The following COL10A1 variants were observed in gnomAD, a reference collection of about 807,000 sequenced individuals.
COL10A1 encodes collagen type X alpha 1 chain, also known as collagen alpha-1(X) chain.
In COL10A1, 10 loss-of-function variants were observed where a neutral mutation model predicts 18.2. The ratio of observed to expected loss-of-function variants is 0.55; its 90% confidence interval spans 0.34 to 0.93. The LOEUF (loss-of-function observed/expected upper bound fraction) is 0.93, where lower values mean the gene tolerates loss of function less well. COL10A1 is among the 40% of genes least tolerant of loss of function. The pLI is 0.02. For synonymous variants in COL10A1, 330 were observed against 316.6 expected (o/e 1.04, Z -0.45); for missense variants, 897 against 853.5 (o/e 1.05, Z -0.64).
chr6:116,176,005 G>A, the COL10A1 span, among the ~76,000 whole-genome samples: 10 of 152,150 alleles, frequency 6.6e-5, no homozygotes, highest in African/African-American at 2.4e-4. Flanking sequence ...TTGATTGAAT[G>A]CTGGACATTG....
chr6:116,163,141 A>AAAAAAAAAT (rs761718922), upstream of COL10A1, among the ~76,000 whole-genome samples: 365 of 88,352 alleles, frequency 4.1e-3, 8 homozygotes, highest in African/African-American at 0.013. Flanking sequence ...AAAAAAAAAA[A>AAAAAAAAAT]ATATATATAT....
chr6:116,176,904 A>T, the COL10A1 span, among the ~76,000 whole-genome samples: 2 of 152,188 alleles, frequency 1.3e-5, no homozygotes, highest in African/African-American at 4.8e-5. Flanking sequence ...GGACCAAGAT[A>T]TGAAAGGGGC....
the COL10A1 span, among the ~76,000 whole-genome samples, chr6:116,200,007 G>A: frequency 1.3e-5 from 2 of 149,574 alleles, no homozygotes; most frequent in African/African-American, 2.5e-5. Context: ...AGTGGGGGGG[G>A]AAGAGTAACT....
chr6:116,131,945 A>G (rs1779477766), intron 1 of COL10A1, among the ~76,000 whole-genome samples: 1 of 152,058 alleles, frequency 6.6e-6, no homozygotes, highest in Non-Finnish European at 1.5e-5. Context: ...CTGTTCCTGT[A>G]TTAGTTTGCT....
chr6:116,121,958 A>G lies in COL10A1; in HGVS notation c.158T>C (p.Ile53Thr), dbSNP rs200692352. Reference sequence around the variant, plus strand: ...AGTACCTTGCTCTCCTCTTACTGCTATACCTAAAAGACACACCCAACACAC... The same window carrying G: ...AGTACCTTGCTCTCCTCTTACTGCTGTACCTAAAAGACACACCCAACACAC... ...FIPYTIKSKG[I>T]AVRGEQGTPG... is the part of the protein sequence containing the mutation. The change falls in exon 3 of 3, where the codon ATA becomes ACA. Residue 53 changes from isoleucine to threonine, a missense_variant. Physicochemically the swap from Ile to Thr is moderately conservative, Grantham distance 89. Transcript: ENST00000651968. 9 of 1,611,664 alleles carry G rather than the reference A, an allele frequency of 5.6e-6. No homozygotes were observed. In the Admixed American group the frequency reaches 6.7e-5, roughly 12 times the overall value.
the COL10A1 span, among the ~76,000 whole-genome samples, chr6:116,178,889 C>A: frequency 1.3e-5 from 2 of 152,146 alleles, no homozygotes; most frequent in South Asian, 2.1e-4. Context: ...AGCAAAATTT[C>A]TTTTACTCGA....
chr6:116,168,071 T>A, the COL10A1 span, among the ~76,000 whole-genome samples: 1 of 149,724 alleles, frequency 6.7e-6, no homozygotes, highest in East Asian at 1.9e-4. Flanking sequence ...CGATTTATGA[T>A]GTACCTGGTG....
At chr6:116,138,972 A>T (rs753611894) in intron 1 of COL10A1, among the ~76,000 whole-genome samples, 16 of 152,184 alleles carry the variant, frequency 1.1e-4, no homozygotes, top group Non-Finnish European at 1.9e-4. Flanking sequence ...TAGGATTTGT[A>T]TAATTGCAGC....
chr6:116,137,074 T>A (rs1488059648), intron 1 of COL10A1: 2 of 212,064 alleles, frequency 9.4e-6, no homozygotes, highest in African/African-American at 4.6e-5. Flanking sequence ...CACCGTCTCT[T>A]CATGCCACAC....
At position 116,121,735 on chromosome 6, in the gene COL10A1, T is replaced by A. The variant is rs139239316; in HGVS notation, c.381A>T (p.Gly127=). Residue 127 remains glycine (G), a synonymous_variant, in exon 3 of 3, where the codon GGA becomes GGT. Coordinates refer to ENST00000651968, the MANE Select transcript of COL10A1 (RefSeq NM_000493.4). ...CTGGTAGGCCAGCTGGTCCAACATC[T>A]CCTTTTGGTCCATATGGTCCTCTCT... ...PGERGPYGPK[G]DVGPAGLPGP... 3.1e-6 allele frequency: 5 copies of A among 1,613,716 alleles called. No individual in the cohort carries two copies. Among genetic ancestry groups the A allele is most frequent in the Non-Finnish European group, 4.2e-6 (5 of 1,179,972 alleles).
At chr6:116,209,059 A>G in the COL10A1 span, among the ~76,000 whole-genome samples, 1 of 152,048 alleles carries the variant, frequency 6.6e-6, no homozygotes, top group Non-Finnish European at 1.5e-5. Context: ...AGTCTCTTAA[A>G]TTGATGATTT....
chr6:116,158,280 A>G (rs1306424040), intron 1 of COL10A1, among the ~76,000 whole-genome samples: 9 of 152,052 alleles, frequency 5.9e-5, no homozygotes, highest in Admixed American at 5.9e-4. Flanking sequence ...TGGCATTTCA[A>G]ACAATAGCTT....
chr6:116,191,627 G>T, the COL10A1 span, among the ~76,000 whole-genome samples: 1 of 152,064 alleles, frequency 6.6e-6, no homozygotes, highest in Admixed American at 6.6e-5. Flanking sequence ...ATGTAGTGCA[G>T]TAGGAAAATA....
intron 1 of COL10A1, among the ~76,000 whole-genome samples, chr6:116,132,793 T>C (rs1490457963): frequency 6.6e-6 from 1 of 152,138 alleles, no homozygotes; most frequent in Non-Finnish European, 1.5e-5. Flanking sequence ...AGGGTAGAAA[T>C]GGGAAAAGTG....
the COL10A1 span, among the ~76,000 whole-genome samples, chr6:116,185,836 T>C: frequency 6.6e-6 from 1 of 152,150 alleles, no homozygotes; most frequent in Non-Finnish European, 1.5e-5. Context: ...TCTGTATCTT[T>C]TAAGTGCAGC....
chr6:116,170,382 C>T, the COL10A1 span, among the ~76,000 whole-genome samples: 17 of 152,042 alleles, frequency 1.1e-4, no homozygotes, highest in Admixed American at 9.8e-4. Flanking sequence ...TATTCTGCCA[C>T]GTAGTTGGTG....
At chr6:116,199,842 A>G in the COL10A1 span, among the ~76,000 whole-genome samples, 1 of 152,064 alleles carries the variant, frequency 6.6e-6, no homozygotes, top group Non-Finnish European at 1.5e-5. Context: ...GTGATTAACA[A>G]GTAAATAAAT....
chr6:116,204,779 T>C, the COL10A1 span, among the ~76,000 whole-genome samples: 1 of 152,012 alleles, frequency 6.6e-6, no homozygotes, highest in African/African-American at 2.4e-5. Context: ...GTAAGGTCTA[T>C]GAGAGAAAAA....
At chr6:116,182,341 A>G in the COL10A1 span, among the ~76,000 whole-genome samples, 1 of 151,984 alleles carries the variant, frequency 6.6e-6, no homozygotes, top group African/African-American at 2.4e-5. Flanking sequence ...TTGTGCTGCT[A>G]TAAATGTGTG....
Sources: gnomAD v4.1 joint callset for allele counts (sites outside exome capture counted in the v4.1 genomes callset) on GRCh38, gnomAD v4.1.1 for gene constraint, MANE v1.5 for transcripts, NCBI Gene and HGNC (gene_info 2026-07-23, HGNC 2026-07-21) for gene names.